Variants in P2RX7 observed in about 807,000 individuals in gnomAD.
P2RX7 encodes the protein P2X purinoceptor 7.
P2RX7 carries 62 observed loss-of-function variants against 71.6 expected under a neutral mutation model. The ratio of observed to expected loss-of-function variants is 0.87; its 90% CI spans 0.71 to 1.07. The LOEUF (loss-of-function observed/expected upper bound fraction) is 1.07. P2RX7 is among the 50% of genes least tolerant of loss of function. The pLI, the probability that P2RX7 is intolerant of heterozygous loss-of-function variation, is 0.00. For missense variants in P2RX7, 686 were observed against 748.5 expected (o/e 0.92, Z 0.97); for synonymous variants, 299 against 283.3 (o/e 1.06, Z -0.56).
rs1274699792 is a variant in P2RX7 at position 121,165,580 on chromosome 12, T to C, written c.614+143T>C. On this transcript the variant is annotated intron_variant, in intron 6 of 12. Coordinates refer to ENST00000328963, the MANE Select transcript of P2RX7 (RefSeq NM_002562.6). ...GGAATCTGGGAATGACTTTGCTGCGTGGTTCTGGCTCAAGGTCTGTCAGGT... is the reference window on the plus strand; with the variant it reads ...GGAATCTGGGAATGACTTTGCTGCGCGGTTCTGGCTCAAGGTCTGTCAGGT... The C allele has an allele frequency of 8.6e-6, 6 of 693,694 alleles. No individual in the cohort carries two copies. The East Asian group carries it at 1.6e-4, about 19-fold the overall frequency. 43.0% of individuals were successfully genotyped at this position (693,694 alleles called of 1,614,324 possible).
At chr12:121,136,113 A>T (rs1299412470) in intron 1 of P2RX7, among the ~76,000 whole-genome samples, 6 of 139,380 alleles carry the variant, frequency 4.3e-5, no homozygotes, top group Non-Finnish European at 7.6e-5. Context: ...TTATATATTT[A>T]TATATATTTA....
In P2RX7 at chr12:121,154,743, T is replaced by C. The variant is rs1406640638; in HGVS notation, c.126-42T>C. The C allele has an allele frequency of 2.2e-6, 3 of 1,357,482 alleles. No homozygotes were observed. In the African/African-American group the frequency reaches 4.3e-5, roughly 19 times the overall value. The allele number at this position is 1,357,482 out of a possible 1,614,324, so 84.1% of individuals were successfully genotyped here. ...CCAACGCCTGCATCCCAACCCGCTG[T>C]GCTATGCCTCCCGTTGATGCTTTCC... On this transcript the variant is annotated intron_variant, in intron 1 of 12. Coordinates refer to ENST00000328963, the MANE Select transcript of P2RX7 (RefSeq NM_002562.6). This position sits in a 1 kb window ranked among gnomAD's most constrained non-coding sequence, Gnocchi z 4.2.
chr12:121,173,552 G>C (rs1015647181), intron 8 of P2RX7, among the ~76,000 whole-genome samples: 1 of 152,152 alleles, frequency 6.6e-6, no homozygotes, highest in African/African-American at 2.4e-5. Context: ...GGCCATACCA[G>C]GCCATGCCAT....
chr12:121,165,969 C>T (rs1486781001), intron 6 of P2RX7, 89 bp from the exon 7 acceptor site: 1 of 1,401,066 alleles, frequency 7.1e-7, no homozygotes, highest in Non-Finnish European at 9.8e-7. Context: ...CATGGAACCT[C>T]TCCACCACAC....
chr12:121,140,421 C>T (rs968153729), intron 1 of P2RX7, among the ~76,000 whole-genome samples: 1 of 152,122 alleles, frequency 6.6e-6, no homozygotes, highest in African/African-American at 2.4e-5. Context: ...CTGTGCAGAG[C>T]ATAGAGTGTG....
chr12:121,147,311 A>G (rs1387591962), intron 1 of P2RX7, among the ~76,000 whole-genome samples: 1 of 152,118 alleles, frequency 6.6e-6, no homozygotes, highest in Non-Finnish European at 1.5e-5. Flanking sequence ...CCTTCCTTAT[A>G]GAGTTGGTTT....
At chr12:121,164,556 G>A (rs973899012) in intron 5 of P2RX7, among the ~76,000 whole-genome samples, 1 of 152,088 alleles carries the variant, frequency 6.6e-6, no homozygotes, top group African/African-American at 2.4e-5. Flanking sequence ...TGAGGCAGGC[G>A]GATCACTTGA....
Position 121,156,226 on chromosome 12 carries a change from G to C in P2RX7, c.363+79G>C, listed in dbSNP as rs562585414. Reference sequence around the variant, plus strand: ...TGCAAGTCGGAAGAAGCAGAAATGCGGACCCTGGGGTGTATTTGAGCCCAC... The same window carrying C: ...TGCAAGTCGGAAGAAGCAGAAATGCCGACCCTGGGGTGTATTTGAGCCCAC... On this transcript the variant is annotated intron_variant, in intron 3 of 12. Coordinates refer to ENST00000328963, the MANE Select transcript of P2RX7 (RefSeq NM_002562.6). 4.4e-6 allele frequency: 5 copies of C among 1,141,662 alleles called. No individual in the cohort carries two copies. In the African/African-American group the frequency reaches 7.6e-5, roughly 17 times the overall value. The allele number at this position is 1,141,662 out of a possible 1,614,324, so 70.7% of individuals were successfully genotyped here.
chr12:121,133,687 G>T (rs1057056091), intron 1 of P2RX7, among the ~76,000 whole-genome samples: 7 of 151,956 alleles, frequency 4.6e-5, no homozygotes, highest in African/African-American at 1.5e-4. Flanking sequence ...TATTTTAATC[G>T]ACTCAAAAGG....
At chr12:121,147,289 G>T (rs947829911) in intron 1 of P2RX7, among the ~76,000 whole-genome samples, 1 of 152,168 alleles carries the variant, frequency 6.6e-6, no homozygotes, top group Admixed American at 6.5e-5. Flanking sequence ...TTAAGTGGGG[G>T]TAATAATAGT....
At chr12:121,166,250 A>G in intron 7 of P2RX7, 63 bp downstream of exon 7, 1 of 1,561,966 alleles carries the variant, frequency 6.4e-7, no homozygotes, top group South Asian at 1.2e-5. Flanking sequence ...GATGTCAAAC[A>G]GCCAAGAGGC....
At chr12:121,147,066 A>G (rs949351904) in intron 1 of P2RX7, among the ~76,000 whole-genome samples, 6 of 151,634 alleles carry the variant, frequency 4.0e-5, no homozygotes, top group Admixed American at 2.6e-4. Flanking sequence ...GTTGCAAGGA[A>G]CAAGATCAAC....
intron 5 of P2RX7, among the ~76,000 whole-genome samples, chr12:121,163,320 C>T (rs1880152948): frequency 7.0e-6 from 1 of 143,000 alleles, no homozygotes; most frequent in Non-Finnish European, 1.5e-5. Context: ...CCCATGCATG[C>T]CTGGCTTACA....
In P2RX7 at chr12:121,186,985, T is replaced by C. The variant is rs551548785; in HGVS notation, c.*2183T>C. 1 of 152,346 alleles carries C rather than the reference T, an allele frequency of 6.6e-6. No individual in the cohort carries two copies. Among genetic ancestry groups the C allele is most frequent in the Admixed American group, 6.5e-5 (1 of 15,300 alleles). 9.4% of individuals were successfully genotyped at this position (152,346 alleles called of 1,614,324 possible). On this transcript the variant is annotated 3_prime_UTR_variant, in exon 13 of 13. Coordinates refer to ENST00000328963, the MANE Select transcript of P2RX7 (RefSeq NM_002562.6). ...CCAATCAGAACTGACGCAGTCTGGG[T>C]GCTAGCTGCTTCAAAAGCAACCCAC...
intron 1 of P2RX7, among the ~76,000 whole-genome samples, chr12:121,140,762 A>C (rs1794886): frequency 0.15 from 23,512 of 151,874 alleles, 3,132 homozygotes; most frequent in African/African-American, 0.36. Flanking sequence ...CAGACTGAGA[A>C]CCTGTCTTAA....
intron 3 of P2RX7, among the ~76,000 whole-genome samples, chr12:121,158,332 G>A (rs1878993980): frequency 1.3e-5 from 2 of 152,134 alleles, no homozygotes; most frequent in African/African-American, 4.8e-5. Flanking sequence ...GCAGTCAGAT[G>A]GCAGCTGGGG....
At position 121,149,968 on chromosome 12, in the gene P2RX7, A is replaced by G. The variant is rs1877056714; in HGVS notation, c.126-4817A>G. 1.3e-5 allele frequency among the ~76,000 whole-genome samples: 2 copies of G among 152,156 alleles called. No individual in the cohort carries two copies. ...CTTTGCCTTCTACAGAATGCATAAC[A>G]TTATAGCCTCTTAGAGCAAAAAGGT... On this transcript the variant is annotated intron_variant, in intron 1 of 12. Coordinates refer to ENST00000328963, the MANE Select transcript of P2RX7 (RefSeq NM_002562.6). This position sits in a 1 kb window ranked among gnomAD's most constrained non-coding sequence, Gnocchi z 4.7.
rs1303563560 is a variant in P2RX7, at chr12:121,184,427, G to C, written c.1413G>C (p.Arg471Ser). The C allele has an allele frequency of 1.2e-6, 2 of 1,614,158 alleles. No homozygotes were observed. The highest frequency in any genetic ancestry group is 8.5e-7 in the Non-Finnish European group (1 of 1,180,030). The stretch of plus-strand genomic sequence containing the variant: ...GAAAGGAGGCGACTCCTAGATCCAG[G>C]GATAGCCCCGTCTGGTGCCAGTGTG... Reference protein sequence around the residue: ...LLRKEATPRSRDSPVWCQCGS... With the variant: ...LLRKEATPRSSDSPVWCQCGS... The change falls in exon 13 of 13, where the codon AGG becomes AGC. Residue 471 changes from arginine (R) to serine (S), a missense_variant. By Grantham distance (110) the Arg-to-Ser change is moderately radical. Coordinates refer to ENST00000328963, the MANE Select transcript of P2RX7 (RefSeq NM_002562.6).
chr12:121,176,739 G>A (rs1397881017), intron 9 of P2RX7, among the ~76,000 whole-genome samples: 2 of 137,530 alleles, frequency 1.5e-5, no homozygotes, highest in African/African-American at 2.8e-5. Context: ...GCAAGAGTGC[G>A]AGACTCTGTC....
Sources: gnomAD v4.1 joint callset for allele counts (sites outside exome capture counted in the v4.1 genomes callset) on GRCh38, gnomAD v4.1.1 for gene constraint, Gnocchi (gnomAD v3.1) non-coding constraint, MANE v1.5 for transcripts, NCBI Gene and HGNC (gene_info 2026-07-23, HGNC 2026-07-21) for gene names.